Variants in ADAMTS17 observed in about 807,000 individuals in gnomAD.
ADAMTS17 encodes A disintegrin and metalloproteinase with thrombospondin motifs 17.
In ADAMTS17, 113 loss-of-function variants were observed where a neutral mutation model predicts 141.5. That is an observed-to-expected ratio of 0.80 (90% CI 0.69 to 0.93). ADAMTS17 has a LOEUF of 0.93. ADAMTS17 is among the 40% of genes least tolerant of loss of function. ADAMTS17 has a pLI of 0.00. For missense variants in ADAMTS17, 1,659 were observed against 1,517.9 expected, an observed-to-expected ratio of 1.09 and a Z score of -1.54; for synonymous variants, 768 against 630.6, an observed-to-expected ratio of 1.22 and a Z score of -3.27.
chr15:100,073,461 C>T (rs866398922), intron 15 of ADAMTS17, among the ~76,000 whole-genome samples: 1 of 152,140 alleles, frequency 6.6e-6, no homozygotes, highest in African/African-American at 2.4e-5. Context: ...GACACATGCA[C>T]ACGTATGTTT....
At chr15:100,086,215 G>A (rs1189261772) in intron 15 of ADAMTS17, among the ~76,000 whole-genome samples, 1 of 152,076 alleles carries the variant, frequency 6.6e-6, no homozygotes, top group Non-Finnish European at 1.5e-5. Context: ...TGATAAAACA[G>A]ACTTTAAACC....
Position 99,974,425 on chromosome 15 carries a change from G to A in ADAMTS17, c.3265C>T (p.Arg1089Cys), listed in dbSNP as rs765090779. The A allele has an allele frequency of 1.5e-5, 24 of 1,614,040 alleles. 1 individual carries two copies. The highest frequency in any genetic ancestry group is 1.1e-4 in the East Asian group (5 of 44,892). Residue 1089 changes from arginine to cysteine, a missense_variant, in exon 22 of 22, where the codon CGC becomes TGC. Arg to Cys is a radical substitution (Grantham distance 180). Transcript: ENST00000268070. ...TGTCACGAGTTCGGCGGTGGCTGGC[G>A]CATCTTGTTTGCATAGAAGTCCCTG... is the stretch of plus-strand genomic sequence containing the variant. ...TCRDFYANKM[R>C]QPPPNS
At chr15:100,258,662 T>TCCCACGA (rs11274524) in intron 6 of ADAMTS17, among the ~76,000 whole-genome samples, 1 of 151,852 alleles carries the variant, frequency 6.6e-6, no homozygotes, top group Non-Finnish European at 1.5e-5. Flanking sequence ...ACGATTCTAT[T>TCCCACGA]GGTCCCTCCC....
chr15:100,078,514 T>C (rs1179016193), intron 15 of ADAMTS17, among the ~76,000 whole-genome samples: 1 of 152,038 alleles, frequency 6.6e-6, no homozygotes, highest in Non-Finnish European at 1.5e-5. Flanking sequence ...TGGATATCCA[T>C]ATGCGAAAGG....
chr15:100,000,264 C>G lies in ADAMTS17; in HGVS notation c.2592-2675G>C, dbSNP rs181132301. ...ACACATTTCTCCTAGTTCATTTCTC[C>G]TAGTTCTGGTCTTTGGAGTAACCCA... is the stretch of plus-strand genomic sequence containing the variant. On this transcript the variant is annotated intron_variant, in intron 18 of 21. Transcript: ENST00000268070. Among the ~76,000 whole-genome samples, 333 of 152,326 alleles carry G rather than the reference C, an allele frequency of 2.2e-3. 1 individual carries two copies. Among genetic ancestry groups the G allele is most frequent in the Admixed American group, 4.8e-3 (73 of 15,302 alleles).
rs2033756129 is a variant in ADAMTS17 at position 100,068,875 on chromosome 15, C to T, written c.2138-14821G>A. ...TCCTCCAAAGGAACGCAGCTCCTCACCAGCAAGGGAACAAAGGGACAGAGA... is the reference window on the plus strand; with the variant it reads ...TCCTCCAAAGGAACGCAGCTCCTCATCAGCAAGGGAACAAAGGGACAGAGA... On this transcript the variant is annotated intron_variant, in intron 15 of 21. Transcript: ENST00000268070. Among the ~76,000 whole-genome samples, 4 of 152,312 alleles carry T rather than the reference C, an allele frequency of 2.6e-5. No homozygotes were observed. The South Asian group carries it at 8.3e-4, about 32-fold the overall frequency.
At chr15:100,322,669 T>G (rs1269256873) in intron 3 of ADAMTS17, among the ~76,000 whole-genome samples, 30 of 152,226 alleles carry the variant, frequency 2.0e-4, no homozygotes, top group Non-Finnish European at 1.5e-5. Flanking sequence ...ATTACCATAA[T>G]GCTCAAGGAC....
At chr15:100,183,248 C>G (rs775397768) in intron 8 of ADAMTS17, among the ~76,000 whole-genome samples, 2 of 152,134 alleles carry the variant, frequency 1.3e-5, no homozygotes, top group African/African-American at 4.8e-5. Flanking sequence ...CTTGGCCTCC[C>G]CCAAAGTGCT....
chr15:99,991,983 GGACACA>G, intron 20 of ADAMTS17, among the ~76,000 whole-genome samples: 1 of 152,150 alleles, frequency 6.6e-6, no homozygotes, highest in African/African-American at 2.4e-5. Flanking sequence ...GAGAACATAT[GGACACA>G]GGGAGGGGAA....
intron 3 of ADAMTS17, among the ~76,000 whole-genome samples, chr15:100,315,994 G>T (rs1355078563): frequency 6.6e-6 from 1 of 152,252 alleles, no homozygotes; most frequent in Non-Finnish European, 1.5e-5. Context: ...AAGCTGCTTT[G>T]TGGAATGACT....
chr15:100,119,800 A>C (rs552521092), intron 12 of ADAMTS17, among the ~76,000 whole-genome samples: 1 of 152,248 alleles, frequency 6.6e-6, no homozygotes, highest in Admixed American at 6.5e-5. Context: ...GTGGCCCCTT[A>C]TCTAGCTCAC....
intron 10 of ADAMTS17, among the ~76,000 whole-genome samples, chr15:100,152,367 C>T (rs980883113): frequency 1.3e-5 from 2 of 152,102 alleles, no homozygotes; most frequent in African/African-American, 2.4e-5. Context: ...GTGCCTGCAA[C>T]TGCATGTGTA....
At chr15:100,302,051 C>T (rs577476352) in intron 3 of ADAMTS17, among the ~76,000 whole-genome samples, 1 of 152,276 alleles carries the variant, frequency 6.6e-6, no homozygotes, top group Admixed American at 6.5e-5. Flanking sequence ...CCCCATAACC[C>T]CCTGCAATCA....
intron 15 of ADAMTS17, among the ~76,000 whole-genome samples, chr15:100,092,264 C>T (rs2035516476): frequency 6.6e-6 from 1 of 152,228 alleles, no homozygotes; most frequent in South Asian, 2.1e-4. Context: ...AATCAGTCTT[C>T]AACGTCAGTT....
intron 15 of ADAMTS17, among the ~76,000 whole-genome samples, chr15:100,056,193 T>G (rs140865377): frequency 9.4e-4 from 143 of 152,336 alleles, no homozygotes; most frequent in African/African-American, 3.2e-3. Context: ...ATATTAACTA[T>G]AGGCAAATAT....
Position 100,004,070 on chromosome 15 carries a change from AGT to A in ADAMTS17, c.2592-6483_2592-6482del, listed in dbSNP as rs2060984208. Among the ~76,000 whole-genome samples the A allele has an allele frequency of 2.9e-4, 44 of 152,380 alleles. No individual in the cohort carries two copies. In the South Asian group the frequency reaches 7.7e-3, roughly 27 times the overall value. On this transcript the variant is annotated intron_variant, in intron 18 of 21. Transcript: ENST00000268070. The stretch of plus-strand genomic sequence containing the variant: ...TGATGTCAGTGGGTGGTTAGAAGCA[AGT>A]TGTAAATCAGTGAAGAAAAGTCGCA...
rs2581345 is a variant in ADAMTS17 at position 99,974,086 on chromosome 15, A to G, written c.*316T>C. 275,471 of 434,658 alleles carry G rather than the reference A, an allele frequency of 0.63. 88,322 individuals carry two copies. The highest frequency in any genetic ancestry group is 0.66 in the Non-Finnish European group (153,235 of 232,800). 26.9% of individuals were successfully genotyped at this position (434,658 alleles called of 1,614,324 possible). ...CAAATGTCAAAAGCGAGTCAAGACAAGAACACTAAATGATGTCTCTCTCTT... is the reference window on the plus strand; with the variant it reads ...CAAATGTCAAAAGCGAGTCAAGACAGGAACACTAAATGATGTCTCTCTCTT... On this transcript the variant is annotated 3_prime_UTR_variant, in exon 22 of 22. Coordinates refer to ENST00000268070, the MANE Select transcript of ADAMTS17 (RefSeq NM_139057.4).
intron 4 of ADAMTS17, among the ~76,000 whole-genome samples, chr15:100,263,641 G>A (rs1160243306): frequency 2.0e-5 from 3 of 152,196 alleles, no homozygotes; most frequent in Admixed American, 6.5e-5. Flanking sequence ...TGACTCTGCC[G>A]AGTTCCTTTG....
intron 18 of ADAMTS17, among the ~76,000 whole-genome samples, chr15:100,033,581 T>C (rs2030399274): frequency 6.6e-6 from 1 of 152,198 alleles, no homozygotes; most frequent in Admixed American, 6.5e-5. Context: ...CTTCTTCTGG[T>C]GAGAGGTGAG....
Sources: gnomAD v4.1 joint callset for allele counts (sites outside exome capture counted in the v4.1 genomes callset) on GRCh38, gnomAD v4.1.1 for gene constraint, MANE v1.5 for transcripts, NCBI Gene and HGNC (gene_info 2026-07-23, HGNC 2026-07-21) for gene names.